FARS2: variants seen among roughly 807,000 people sequenced by gnomAD.
FARS2 encodes phenylalanine--tRNA ligase, mitochondrial.
Under a neutral mutation model 46.4 loss-of-function variants are expected in FARS2, and 40 were observed. The ratio of observed to expected loss-of-function variants is 0.86; its 90% CI spans 0.67 to 1.12. The LOEUF (loss-of-function observed/expected upper bound fraction) is 1.12, where lower values mean the gene tolerates loss of function less well. Ranked by LOEUF, FARS2 falls within the 50% of genes most tolerant of loss-of-function variation. FARS2 has a pLI of 0.00. For synonymous variants in FARS2, 234 were observed against 214.9 expected (o/e 1.09, Z -0.78); for missense variants, 513 against 567.9 (o/e 0.90, Z 0.98).
At chr6:5,666,632 A>AAATTAGGTCCAC (rs1778136663) in intron 6 of FARS2, among the ~76,000 whole-genome samples, 1 of 152,244 alleles carries the variant, frequency 6.6e-6, no homozygotes. Flanking sequence ...ATCCAAATGT[A>AAATTAGGTCCAC]AATTAGGTCC....
At chr6:5,453,189 T>G (rs1194514556) in intron 4 of FARS2, among the ~76,000 whole-genome samples, 1 of 152,182 alleles carries the variant, frequency 6.6e-6, no homozygotes. Context: ...GGATATGAGA[T>G]AGTGACATCT....
At chr6:5,448,350 A>G (rs1764291836) in intron 4 of FARS2, among the ~76,000 whole-genome samples, 1 of 152,122 alleles carries the variant, frequency 6.6e-6, no homozygotes, top group African/African-American at 2.4e-5. Flanking sequence ...GTGAGTGTGT[A>G]CACTCTCCCT....
chr6:5,678,396 C>G (rs1384198042), intron 6 of FARS2, among the ~76,000 whole-genome samples: 1 of 152,090 alleles, frequency 6.6e-6, no homozygotes, highest in Non-Finnish European at 1.5e-5. Context: ...TGAGCTGGTG[C>G]CTTGAGGAGA....
At chr6:5,341,227 A>T (rs1171178648) in intron 1 of FARS2, among the ~76,000 whole-genome samples, 215 of 4,616 alleles carry the variant, frequency 0.047, 9 homozygotes, top group African/African-American at 0.12. Context: ...ATATATATAT[A>T]TATATATATT....
At chr6:5,499,068 T>C (rs1246416453) in intron 4 of FARS2, among the ~76,000 whole-genome samples, 1 of 152,142 alleles carries the variant, frequency 6.6e-6, no homozygotes, top group Non-Finnish European at 1.5e-5. Flanking sequence ...CAGCAAATTT[T>C]TGTATCTTTA....
chr6:5,574,318 G>A (rs994146757), intron 5 of FARS2, among the ~76,000 whole-genome samples: 19 of 152,056 alleles, frequency 1.2e-4, no homozygotes, highest in Non-Finnish European at 2.5e-4. Flanking sequence ...TAGAGATGGG[G>A]TTTCACCGTG....
chr6:5,343,614 C>A lies in FARS2; in HGVS notation c.-21-24936C>A, dbSNP rs1305447754. Among the ~76,000 whole-genome samples, 1 of 152,088 alleles carries A rather than the reference C, an allele frequency of 6.6e-6. No homozygotes were observed. The highest frequency in any genetic ancestry group is 1.5e-5 in the Non-Finnish European group (1 of 68,012). On this transcript the variant is annotated intron_variant, in intron 1 of 6. Transcript: ENST00000274680. The surrounding 1 kb of genome is among the most constrained non-coding windows in gnomAD (Gnocchi z 4.5). ...CTAGAAATTGTACACATTTTTAGTT[C>A]TTTGGAACATGTAAACCCAGTGTTG...
At chr6:5,267,083 G>A (rs954930260) in intron 1 of FARS2, among the ~76,000 whole-genome samples, 2 of 151,476 alleles carry the variant, frequency 1.3e-5, no homozygotes, top group African/African-American at 4.9e-5. Context: ...GTATTTGTGG[G>A]CAGTAACAAC....
At chr6:5,536,981 C>T (rs1222646968) in intron 4 of FARS2, among the ~76,000 whole-genome samples, 1 of 152,140 alleles carries the variant, frequency 6.6e-6, no homozygotes, top group Non-Finnish European at 1.5e-5. Context: ...CTTAATTTCC[C>T]CCCACAATTA....
At chr6:5,426,743 A>G (rs1176705901) in intron 3 of FARS2, among the ~76,000 whole-genome samples, 1 of 152,198 alleles carries the variant, frequency 6.6e-6, no homozygotes, top group African/African-American at 2.4e-5. Context: ...TTCGTGACTC[A>G]GCCTCCCAAG....
intron 1 of FARS2, among the ~76,000 whole-genome samples, chr6:5,316,158 A>C (rs1045890225): frequency 6.6e-6 from 1 of 152,224 alleles, no homozygotes; most frequent in African/African-American, 2.4e-5. Context: ...TTAAATGTCA[A>C]ATGTACTGGG....
intron 1 of FARS2, among the ~76,000 whole-genome samples, chr6:5,307,076 A>C (rs1262359292): frequency 6.6e-6 from 1 of 152,124 alleles, no homozygotes; most frequent in Non-Finnish European, 1.5e-5. Context: ...CTGTTTATGA[A>C]AATCTGGTAT....
At chr6:5,505,665 C>T (rs1031949421) in intron 4 of FARS2, among the ~76,000 whole-genome samples, 3 of 152,158 alleles carry the variant, frequency 2.0e-5, no homozygotes, top group African/African-American at 7.2e-5. Flanking sequence ...AACATACTGT[C>T]CCTCTTCAAT....
At chr6:5,465,655 G>A (rs780215133) in intron 4 of FARS2, among the ~76,000 whole-genome samples, 47 of 152,092 alleles carry the variant, frequency 3.1e-4, no homozygotes, top group Non-Finnish European at 5.3e-4. Flanking sequence ...GTCTCTCTAA[G>A]TACTCCTGTG....
chr6:5,422,764 C>G (rs1362106211), intron 3 of FARS2, among the ~76,000 whole-genome samples: 1 of 152,074 alleles, frequency 6.6e-6, no homozygotes, highest in Non-Finnish European at 1.5e-5. Context: ...TGTCAGTTAC[C>G]CAGGAACACA....
chr6:5,430,630 A>G (rs934906809), intron 3 of FARS2, among the ~76,000 whole-genome samples: 6 of 151,970 alleles, frequency 3.9e-5, no homozygotes, highest in African/African-American at 9.7e-5. Context: ...TGAATTGGTC[A>G]TATTGTTGAT....
At chr6:5,610,275 C>T (rs931588063) in intron 5 of FARS2, 3 of 422,818 alleles carry the variant, frequency 7.1e-6, no homozygotes, top group Admixed American at 3.8e-5. Flanking sequence ...GCTGACGAAT[C>T]GTATCTGTAG....
chr6:5,492,455 A>T (rs1767179784), intron 4 of FARS2, among the ~76,000 whole-genome samples: 1 of 152,214 alleles, frequency 6.6e-6, no homozygotes, highest in African/African-American at 2.4e-5. Context: ...AACATTGATA[A>T]AATATTACTA....
At chr6:5,569,137 G>T (rs1772485059) in intron 5 of FARS2, among the ~76,000 whole-genome samples, 2 of 152,012 alleles carry the variant, frequency 1.3e-5, no homozygotes, top group Admixed American at 6.6e-5. Flanking sequence ...TGGTTCCTAG[G>T]TTTCTGCCTT....
Sources: gnomAD v4.1 joint callset for allele counts (sites outside exome capture counted in the v4.1 genomes callset) on GRCh38, gnomAD v4.1.1 for gene constraint, Gnocchi (gnomAD v3.1) non-coding constraint, MANE v1.5 for transcripts, NCBI Gene and HGNC (gene_info 2026-07-23, HGNC 2026-07-21) for gene names.